The following PRRG4 variants were observed in gnomAD, a reference collection of about 807,000 sequenced individuals.
PRRG4 encodes the protein proline rich and Gla domain 4.
A neutral mutation model predicts 20.0 loss-of-function variants in PRRG4; 12 were observed. The observed-to-expected ratio is 0.60, with a 90% CI of 0.38 to 0.97. The LOEUF is 0.97. PRRG4 is among the 50% of genes least tolerant of loss of function. The pLI, the probability that PRRG4 is intolerant of heterozygous loss-of-function variation, is 0.00. For synonymous variants in PRRG4, 94 were observed against 96.4 expected, an observed-to-expected ratio of 0.98 and a Z score of 0.15; for missense variants, 199 against 265.1, an observed-to-expected ratio of 0.75 and a Z score of 1.73.
intron 5 of PRRG4, among the ~76,000 whole-genome samples, chr11:32,852,398 T>C (rs1406355151): frequency 3.9e-5 from 6 of 152,148 alleles, no homozygotes; most frequent in South Asian, 2.1e-4. Context: ...TTAGGAAGGA[T>C]TGGCCAGGCA....
rs776440236 is a variant in PRRG4, at chr11:32,830,491, T to A, written c.-22-17T>A. 1.8e-5 allele frequency: 27 copies of A among 1,461,106 alleles called. No homozygotes were observed. The highest frequency in any genetic ancestry group is 2.1e-4 in the Middle Eastern group (1 of 4,824). 90.5% of individuals were successfully genotyped at this position (1,461,106 alleles called of 1,614,324 possible). ...TAGGGGCCTTTTTTTTTTAATATTT[T>A]TTTTTGTTTGTTTTAGTTTGTTTGA... On this transcript the variant is annotated splice_polypyrimidine_tract_variant and intron_variant, in intron 1 of 5. Transcript: ENST00000257836.
intron 5 of PRRG4, among the ~76,000 whole-genome samples, chr11:32,851,560 T>C (rs1335058093): frequency 1.3e-5 from 2 of 152,222 alleles, no homozygotes; most frequent in Admixed American, 6.5e-5. Flanking sequence ...TTGCTTTTCT[T>C]CTTTCTCGCA....
intron 5 of PRRG4, among the ~76,000 whole-genome samples, chr11:32,850,298 C>T (rs1477805138): frequency 6.6e-6 from 1 of 151,858 alleles, no homozygotes; most frequent in African/African-American, 2.4e-5. Flanking sequence ...CCTTTTTTTT[C>T]CCCTGAAACA....
intron 2 of PRRG4, among the ~76,000 whole-genome samples, chr11:32,831,569 G>C (rs1281051247): frequency 6.6e-6 from 1 of 152,228 alleles, no homozygotes; most frequent in African/African-American, 2.4e-5. Context: ...TAGCTAGAGA[G>C]AGAGGGAGAG....
At chr11:32,853,241 C>G (rs1851199425) in intron 5 of PRRG4, 55 bp from the exon 6 acceptor site, 9 of 1,236,426 alleles carry the variant, frequency 7.3e-6, no homozygotes, top group Non-Finnish European at 9.5e-6. Flanking sequence ...AAATATTGTC[C>G]TCTCAACCTA....
chr11:32,846,318 G>A (rs962480150), intron 5 of PRRG4, among the ~76,000 whole-genome samples: 3 of 152,180 alleles, frequency 2.0e-5, no homozygotes, highest in Non-Finnish European at 4.4e-5. Context: ...CCCTTGACCA[G>A]AGATTTAAGA....
At chr11:32,835,886 G>A (rs1851015335) in intron 2 of PRRG4, among the ~76,000 whole-genome samples, 2 of 152,130 alleles carry the variant, frequency 1.3e-5, no homozygotes, top group Non-Finnish European at 2.9e-5. Context: ...GGTGGATCAT[G>A]AGGTCAGGAG....
intron 3 of PRRG4, among the ~76,000 whole-genome samples, chr11:32,837,170 T>C (rs1264381236): frequency 6.6e-6 from 1 of 152,048 alleles, no homozygotes; most frequent in Non-Finnish European, 1.5e-5. Flanking sequence ...ACTCCAAGAT[T>C]TTATGGTTAG....
intron 5 of PRRG4, among the ~76,000 whole-genome samples, chr11:32,852,378 A>G (rs1293111621): frequency 2.0e-5 from 3 of 152,186 alleles, no homozygotes; most frequent in Non-Finnish European, 4.4e-5. Context: ...TGACGTGAAG[A>G]AAGTACTGCT....
rs1211965021 is a variant in PRRG4, at chr11:32,839,602, AT to A, written c.317-500del. On this transcript the variant is annotated intron_variant, in intron 4 of 5. Transcript: ENST00000257836. ...TATTTCAAATATTTTTAAATAAATAATTTTTAAATAAATAAATTTAAATAAC... is the reference window on the plus strand; with the variant it reads ...TATTTCAAATATTTTTAAATAAATAATTTTAAATAAATAAATTTAAATAAC... Among the ~76,000 whole-genome samples the A allele has an allele frequency of 3.4e-5, 5 of 149,200 alleles. No homozygotes were observed. In the South Asian group the frequency reaches 8.4e-4, roughly 25 times the overall value.
rs1157034444 is a variant in PRRG4 at position 32,857,859 on chromosome 11, T to G, written c.*4332T>G. On this transcript the variant is annotated 3_prime_UTR_variant, in exon 6 of 6. Coordinates refer to ENST00000257836, the MANE Select transcript of PRRG4 (RefSeq NM_024081.6). ...GCCTGTGTGGTCATTTTAAAACATG[T>G]GTGACATATATCAGTACCTTCATTC... 1 of 152,224 alleles carries G rather than the reference T, an allele frequency of 6.6e-6. No individual in the cohort carries two copies. The highest frequency in any genetic ancestry group is 1.5e-5 in the Non-Finnish European group (1 of 68,028). 9.4% of individuals were successfully genotyped at this position (152,224 alleles called of 1,614,324 possible).
chr11:32,838,809 T>G, intron 3 of PRRG4, 73 bp from the exon 4 acceptor site: 1 of 1,092,206 alleles, frequency 9.2e-7, no homozygotes, highest in South Asian at 1.3e-5. Context: ...ACCCCTAGTC[T>G]AGGTCATTAG....
chr11:32,830,694 C>A (rs879569353), intron 2 of PRRG4, 62 bp downstream of exon 2: 1 of 1,607,158 alleles, frequency 6.2e-7, no homozygotes, highest in Non-Finnish European at 8.5e-7. Flanking sequence ...TGAGAAAGTG[C>A]AGTATTTGAA....
At chr11:32,851,183 T>C (rs1851180214) in intron 5 of PRRG4, among the ~76,000 whole-genome samples, 1 of 152,188 alleles carries the variant, frequency 6.6e-6, no homozygotes, top group South Asian at 2.1e-4. Flanking sequence ...CAGTTTGAGA[T>C]GTTATTAGTG....
In PRRG4 at chr11:32,836,561, C is replaced by T. The variant is rs543510102; in HGVS notation, c.104-97C>T. On this transcript the variant is annotated intron_variant, in intron 2 of 5. Transcript: ENST00000257836. Reference sequence around the variant, plus strand: ...TACAAAAAAGTTTGGTATAATTTAGCCACATCAAGAGAACTATTCACTTTT... The same window carrying T: ...TACAAAAAAGTTTGGTATAATTTAGTCACATCAAGAGAACTATTCACTTTT... The T allele has an allele frequency of 6.8e-6, 4 of 591,922 alleles. No homozygotes were observed. In the South Asian group the frequency reaches 1.8e-4, roughly 26 times the overall value. The allele number at this position is 591,922 out of a possible 1,614,324, so 36.7% of individuals were successfully genotyped here.
At chr11:32,850,797 C>A (rs112588398) in intron 5 of PRRG4, among the ~76,000 whole-genome samples, 2,385 of 152,212 alleles carry the variant, frequency 0.016, 64 homozygotes, top group African/African-American at 0.055. Flanking sequence ...AGGCTGGCAG[C>A]GGTGGCTCAC....
At chr11:32,850,491 C>T (rs1200830757) in intron 5 of PRRG4, among the ~76,000 whole-genome samples, 1 of 152,206 alleles carries the variant, frequency 6.6e-6, no homozygotes, top group Non-Finnish European at 1.5e-5. Flanking sequence ...TTCTTGTTCA[C>T]AGATCATCTT....
intron 1 of PRRG4, 109 bp downstream of exon 1, chr11:32,830,282 A>G: frequency 1.1e-6 from 1 of 920,448 alleles, no homozygotes; most frequent in Non-Finnish European, 1.4e-6. Flanking sequence ...CCGCGGCGAC[A>G]GGTGCCCGAT....
At chr11:32,846,294 G>A (rs1851129902) in intron 5 of PRRG4, among the ~76,000 whole-genome samples, 1 of 152,206 alleles carries the variant, frequency 6.6e-6, no homozygotes, top group Admixed American at 6.5e-5. Flanking sequence ...ACAGGCATGA[G>A]CCATGGGGCC....
Sources: allele counts gnomAD v4.1 joint callset (sites outside exome capture counted in the v4.1 genomes callset), GRCh38; gene constraint gnomAD v4.1.1; transcripts MANE v1.5; gene names NCBI Gene and HGNC (gene_info 2026-07-23, HGNC 2026-07-21).